PRKN: variants seen among roughly 807,000 people sequenced by gnomAD.
PRKN encodes parkin RBR E3 ubiquitin protein ligase.
PRKN carries 56 observed loss-of-function variants against 59.5 expected under a neutral mutation model. The ratio of observed to expected loss-of-function variants is 0.94; its 90% confidence interval spans 0.76 to 1.18. The LOEUF (loss-of-function observed/expected upper bound fraction) is 1.18. PRKN is among the 50% of genes most tolerant of loss of function. PRKN has a pLI of 0.00. For synonymous variants in PRKN, 250 were observed against 222.1 expected, an observed-to-expected ratio of 1.13 and a Z score of -1.12; for missense variants, 657 against 596.4, an observed-to-expected ratio of 1.10 and a Z score of -1.06.
intron 4 of PRKN, among the ~76,000 whole-genome samples, chr6:162,096,424 G>A (rs1468837515): frequency 6.6e-6 from 1 of 152,118 alleles, no homozygotes; most frequent in Non-Finnish European, 1.5e-5. Context: ...CACATTGTAT[G>A]TTTCACTTAC....
rs1562353794 is a variant in PRKN at position 161,874,102 on chromosome 6, AT to A, written c.735-88195del. On this transcript the variant is annotated intron_variant, in intron 6 of 11. Transcript: ENST00000366898. ...ATGTAAAATATAATATATAATATATATTATATGTAAAATATAATATATAATA... is the reference window on the plus strand; with the variant it reads ...ATGTAAAATATAATATATAATATATATATATGTAAAATATAATATATAATA... Among the ~76,000 whole-genome samples, 34 of 72,626 alleles carry A rather than the reference AT, an allele frequency of 4.7e-4. 7 individuals are homozygous for A. Among genetic ancestry groups the A allele is most frequent in the African/African-American group, 2.3e-3 (34 of 15,024 alleles). The allele number at this position is 72,626 out of a possible 152,430, so 47.6% of individuals were successfully genotyped here. A position where few individuals can be genotyped will look rare whatever the true frequency, so the allele number is the denominator to read the frequency against.
intron 7 of PRKN, among the ~76,000 whole-genome samples, chr6:161,619,562 C>T (rs915964159): frequency 6.6e-6 from 1 of 152,072 alleles, no homozygotes; most frequent in Non-Finnish European, 1.5e-5. Context: ...TATTTTAAAT[C>T]TCACAGTGAC....
chr6:162,047,946 A>G (rs1777448977), intron 5 of PRKN, among the ~76,000 whole-genome samples: 1 of 152,124 alleles, frequency 6.6e-6, no homozygotes, highest in Non-Finnish European at 1.5e-5. Context: ...AGATGAAAAC[A>G]CTCTATTTAT....
At chr6:162,398,665 C>G (rs906964132) in intron 2 of PRKN, among the ~76,000 whole-genome samples, 4 of 152,318 alleles carry the variant, frequency 2.6e-5, no homozygotes, top group African/African-American at 9.6e-5. Context: ...GCTGGGATTA[C>G]AGGCGTGAGG....
At chr6:162,358,877 T>C (rs562158609) in intron 2 of PRKN, among the ~76,000 whole-genome samples, 6 of 151,766 alleles carry the variant, frequency 4.0e-5, no homozygotes, top group African/African-American at 1.5e-4. Context: ...CTGGCCAACA[T>C]GGTGAAACCT....
At chr6:161,469,886 C>A (rs1327756639) in intron 9 of PRKN, among the ~76,000 whole-genome samples, 1 of 152,128 alleles carries the variant, frequency 6.6e-6, no homozygotes, top group Non-Finnish European at 1.5e-5. Flanking sequence ...AGGTAGAGGA[C>A]CACTAGCCTG....
At chr6:162,154,187 T>A (rs1244962525) in intron 4 of PRKN, among the ~76,000 whole-genome samples, 2 of 152,138 alleles carry the variant, frequency 1.3e-5, no homozygotes, top group Admixed American at 6.6e-5. Flanking sequence ...TCAAAGCCAG[T>A]GCTGCTGAAG....
At chr6:161,635,389 A>G (rs1392618660) in intron 7 of PRKN, among the ~76,000 whole-genome samples, 2 of 152,220 alleles carry the variant, frequency 1.3e-5, no homozygotes, top group Non-Finnish European at 2.9e-5. Flanking sequence ...TTATAAAATG[A>G]GCCTATTTAC....
intron 6 of PRKN, among the ~76,000 whole-genome samples, chr6:161,912,866 ATGTTATTT>A (rs1428203700): frequency 6.6e-6 from 1 of 152,074 alleles, no homozygotes; most frequent in African/African-American, 2.4e-5. Flanking sequence ...AAAAAGTAAT[ATGTTATTT>A]TGTTTTAAAG....
At chr6:162,451,984 AAAC>A (rs1289146940) in intron 1 of PRKN, among the ~76,000 whole-genome samples, 5 of 152,252 alleles carry the variant, frequency 3.3e-5, no homozygotes, top group Non-Finnish European at 7.4e-5. Context: ...CAAGCTTTGA[AAAC>A]AACAAGAAAA....
chr6:162,700,758 T>C (rs1285696282), intron 1 of PRKN, among the ~76,000 whole-genome samples: 1 of 152,082 alleles, frequency 6.6e-6, no homozygotes, highest in Non-Finnish European at 1.5e-5. Flanking sequence ...TGCTTATATC[T>C]ATCGCACATC....
In PRKN at chr6:161,867,859, C is replaced by G. The variant is rs143952654; in HGVS notation, c.735-81951G>C. On this transcript the variant is annotated intron_variant, in intron 6 of 11. Coordinates refer to ENST00000366898, the MANE Select transcript of PRKN (RefSeq NM_004562.3). ...CAGTGAAACCTCCACCTCCCAGGTT[C>G]AAGCGATTCTCCTGCCTCAGCCTCC... Among the ~76,000 whole-genome samples, 1,130 of 151,952 alleles carry G rather than the reference C, an allele frequency of 7.4e-3. 18 individuals carry two copies. The highest frequency in any genetic ancestry group is 0.026 in the African/African-American group (1,088 of 41,432).
intron 2 of PRKN, among the ~76,000 whole-genome samples, chr6:162,291,315 A>C (rs4235935): frequency 0.53 from 79,503 of 150,348 alleles, 23,241 homozygotes; most frequent in East Asian, 0.83. Context: ...TCTACAGAAG[A>C]GATTGCCTGG....
intron 7 of PRKN, among the ~76,000 whole-genome samples, chr6:161,607,582 G>A (rs533178906): frequency 1.3e-5 from 2 of 152,250 alleles, no homozygotes; most frequent in Admixed American, 6.5e-5. Flanking sequence ...TGGAAAACAA[G>A]TTTGGAGAAA....
chr6:162,658,848 A>G (rs768216985), intron 1 of PRKN, among the ~76,000 whole-genome samples: 15 of 152,218 alleles, frequency 9.9e-5, no homozygotes, highest in Non-Finnish European at 2.2e-4. Context: ...GACAAACTAT[A>G]TTTTAAAGAT....
rs548730727 is a variant in PRKN at position 161,973,247 on chromosome 6, T to G, written c.734+55A>C. 403 of 1,160,212 alleles carry G rather than the reference T, an allele frequency of 3.5e-4. 2 individuals carry two copies. The highest frequency in any genetic ancestry group is 2.7e-3 in the South Asian group (218 of 81,878). The allele number at this position is 1,160,212 out of a possible 1,614,324, so 71.9% of individuals were successfully genotyped here. A position where few individuals can be genotyped will look rare whatever the true frequency, so the allele number is the denominator to read the frequency against. The stretch of plus-strand genomic sequence containing the variant: ...TAAGGAGGGGGGAGTGATGCTATTT[T>G]TAGATCCTTACCTCACGTCCGTGGA... On this transcript the variant is annotated intron_variant, in intron 6 of 11. Coordinates refer to ENST00000366898, the MANE Select transcript of PRKN (RefSeq NM_004562.3).
intron 2 of PRKN, among the ~76,000 whole-genome samples, chr6:162,266,722 G>A (rs1780154643): frequency 6.6e-6 from 1 of 152,100 alleles, no homozygotes; most frequent in African/African-American, 2.4e-5. Flanking sequence ...CAACTTTGAA[G>A]GCTGTTTTGA....
At chr6:161,750,884 TA>T (rs1788663887) in intron 7 of PRKN, among the ~76,000 whole-genome samples, 1 of 151,756 alleles carries the variant, frequency 6.6e-6, no homozygotes, top group African/African-American at 2.4e-5. Flanking sequence ...GTACAACAAA[TA>T]TATAATTGTA....
chr6:161,561,789 A>C lies in PRKN; in HGVS notation c.933+7566T>G, dbSNP rs1475571841. Among the ~76,000 whole-genome samples, 2 of 152,116 alleles carry C rather than the reference A, an allele frequency of 1.3e-5. No individual in the cohort carries two copies. Among genetic ancestry groups the C allele is most frequent in the Non-Finnish European group, 2.9e-5 (2 of 68,028 alleles). ...ACAAGTTCTGGCCCTTCGATCTTTA[A>C]AGAACTGTCTTGTGGTTGCTGCATT... On this transcript the variant is annotated intron_variant, in intron 8 of 11. Coordinates refer to ENST00000366898, the MANE Select transcript of PRKN (RefSeq NM_004562.3). This position sits in a 1 kb window ranked among gnomAD's most constrained non-coding sequence, Gnocchi z 5.0.
Sources: gnomAD v4.1 joint callset for allele counts (sites outside exome capture counted in the v4.1 genomes callset) on GRCh38, gnomAD v4.1.1 for gene constraint, Gnocchi (gnomAD v3.1) non-coding constraint, MANE v1.5 for transcripts, NCBI Gene and HGNC (gene_info 2026-07-23, HGNC 2026-07-21) for gene names.